The following MOB3A variants were observed in gnomAD, a reference collection of about 807,000 sequenced individuals.
The protein encoded by MOB3A is MOB LAK.
Under a neutral mutation model 17.8 loss-of-function variants are expected in MOB3A, and 17 were observed. The ratio of observed to expected loss-of-function variants is 0.95; its 90% CI spans 0.65 to 1.43. The LOEUF is 1.43. Among genes scored for constraint, MOB3A ranks in the 40% most tolerant of loss-of-function variants. The pLI is 0.00. For synonymous variants in MOB3A, 124 were observed against 133.2 expected (o/e 0.93, Z 0.48); for missense variants, 333 against 310.8 (o/e 1.07, Z -0.54).
intron 2 of MOB3A, among the ~76,000 whole-genome samples, chr19:2,080,385 T>G (rs1476234096): frequency 6.9e-6 from 1 of 145,136 alleles, no homozygotes; most frequent in Admixed American, 6.8e-5. Context: ...CCCCCACCTC[T>G]TTTTTTTTTT....
Position 2,081,313 on chromosome 19 carries a change from C to CT in MOB3A, c.-119-2635_-119-2634insA, listed in dbSNP as rs1366827015. Among the ~76,000 whole-genome samples the CT allele has an allele frequency of 2.6e-5, 4 of 152,128 alleles. No homozygotes were observed. The South Asian group carries it at 6.2e-4, about 24-fold the overall frequency. ...GAAAAAAAGCAAGTTAGAGGCCGGG[C>CT]GTGGTGGCTCACGCCTGTAATCCCG... On this transcript the variant is annotated intron_variant, in intron 2 of 4. Transcript: ENST00000357066.
At chr19:2,077,360 C>T (rs2017425766) in intron 3 of MOB3A, among the ~76,000 whole-genome samples, 1 of 151,872 alleles carries the variant, frequency 6.6e-6, no homozygotes, top group Admixed American at 6.6e-5. Flanking sequence ...CGAGATCGTG[C>T]CACTGCACTC....
rs1568251545 is a variant in MOB3A at position 2,076,865 on chromosome 19, G to A, written c.570C>T (p.Phe190=). 6.2e-7 allele frequency: 1 copy of A among 1,614,082 alleles called. No homozygotes were observed. Among genetic ancestry groups the A allele is most frequent in the Non-Finnish European group, 8.5e-7 (1 of 1,180,032 alleles). The part of the protein sequence containing the change: ...EAHVNTCYKH[F]YYFVKEFGLI... The stretch of plus-strand genomic sequence containing the variant: ...GGCCGAACTCCTTGACGAAATAGTA[G>A]AAGTGCTTGTAGCAGGTGTTCACGT... Residue 190 remains phenylalanine (F), a synonymous_variant, in exon 4 of 5, where the codon TTC becomes TTT. Coordinates refer to ENST00000357066, the MANE Select transcript of MOB3A (RefSeq NM_130807.3).
At chr19:2,084,435 C>G (rs2017527594) in intron 2 of MOB3A, among the ~76,000 whole-genome samples, 1 of 151,732 alleles carries the variant, frequency 6.6e-6, no homozygotes. Context: ...GCGGAGGCTA[C>G]AGTGAGCTGA....
intron 2 of MOB3A, among the ~76,000 whole-genome samples, chr19:2,083,148 C>T (rs2017510692): frequency 6.6e-6 from 1 of 152,142 alleles, no homozygotes; most frequent in South Asian, 2.1e-4. Flanking sequence ...TGCCTGGCCA[C>T]CCCTGCCTGC....
At chr19:2,091,349 C>T (rs1002108408) in intron 1 of MOB3A, among the ~76,000 whole-genome samples, 1 of 152,102 alleles carries the variant, frequency 6.6e-6, no homozygotes, top group African/African-American at 2.4e-5. Context: ...CCGATAAGTG[C>T]AAAAAATAAG....
rs373193407 is a variant in MOB3A, at chr19:2,073,413, G to A, written c.636C>T (p.Thr212=). The A allele has an allele frequency of 6.4e-5, 104 of 1,613,754 alleles. No homozygotes were observed. The highest frequency in any genetic ancestry group is 2.9e-4 in the East Asian group (13 of 44,870). The change falls in exon 5 of 5, where the codon ACC becomes ACT. Residue 212 remains threonine, a synonymous_variant. Transcript: ENST00000357066. ...GGGGCTCTCAGTGGCACATCCGGGC[G>A]GTCATTTCTTTCTGTAAAGAGCAAG... ...TKELEPLKEM[T]ARMCH is the part of the protein sequence containing the mutation.
At chr19:2,081,377 C>G (rs1488829697) in intron 2 of MOB3A, among the ~76,000 whole-genome samples, 1 of 150,096 alleles carries the variant, frequency 6.7e-6, no homozygotes, top group Admixed American at 6.6e-5. Context: ...CACCTGAGGT[C>G]GGGAATTCGA....
At position 2,076,842 on chromosome 19, in the gene MOB3A, C is replaced by T. The variant is rs1568251527; in HGVS notation, c.593G>A (p.Gly198Asp). ...KHFYYFVKEFGLIDTKELEPL... is the reference protein window; with the variant it reads ...KHFYYFVKEFDLIDTKELEPL... Reference sequence around the variant, plus strand: ...CTCCAGCTCCTTGGTGTCGATGAGGCCGAACTCCTTGACGAAATAGTAGAA... The same window carrying T: ...CTCCAGCTCCTTGGTGTCGATGAGGTCGAACTCCTTGACGAAATAGTAGAA... Residue 198 changes from glycine to aspartate, a missense_variant, in exon 4 of 5, where the codon GGC becomes GAC. Gly to Asp is a moderately conservative substitution (Grantham distance 94). Transcript: ENST00000357066. 1.2e-6 allele frequency: 2 copies of T among 1,613,998 alleles called. No individual in the cohort carries two copies. The highest frequency in any genetic ancestry group is 8.5e-7 in the Non-Finnish European group (1 of 1,180,020).
At chr19:2,090,381 C>A (rs1355470200) in intron 1 of MOB3A, among the ~76,000 whole-genome samples, 1 of 152,204 alleles carries the variant, frequency 6.6e-6, no homozygotes, top group African/African-American at 2.4e-5. Flanking sequence ...TGCCCCCTGC[C>A]CCCACAGGCC....
At position 2,073,281 on chromosome 19, in the gene MOB3A, G is replaced by A. The variant is rs1297367681; in HGVS notation, c.*114C>T. ...ACACCTGCTCAGCGGCTCGGCCCCTGGTCTCCCTGAGATGCTCAGGCCGGA... is the reference window on the plus strand; with the variant it reads ...ACACCTGCTCAGCGGCTCGGCCCCTAGTCTCCCTGAGATGCTCAGGCCGGA... On this transcript the variant is annotated 3_prime_UTR_variant, in exon 5 of 5. Transcript: ENST00000357066. The A allele has an allele frequency of 1.5e-6, 2 of 1,376,584 alleles. No homozygotes were observed. The highest frequency in any genetic ancestry group is 2.3e-5 in the East Asian group (1 of 43,514). The allele number at this position is 1,376,584 out of a possible 1,614,324, so 85.3% of individuals were successfully genotyped here. A position where few individuals can be genotyped will look rare whatever the true frequency, so the allele number is the denominator to read the frequency against.
chr19:2,087,148 C>T (rs1460788681), intron 1 of MOB3A, among the ~76,000 whole-genome samples: 1 of 152,156 alleles, frequency 6.6e-6, no homozygotes. Context: ...CTGCCCAGGC[C>T]CCTCTGGGCC....
intron 4 of MOB3A, among the ~76,000 whole-genome samples, chr19:2,075,321 C>T (rs983723513): frequency 3.9e-5 from 6 of 152,308 alleles, no homozygotes; most frequent in East Asian, 1.9e-4. Flanking sequence ...GGAGCCACCT[C>T]GTCCGTCCAT....
intron 2 of MOB3A, among the ~76,000 whole-genome samples, chr19:2,079,805 G>A (rs1054376721): frequency 3.3e-5 from 5 of 152,344 alleles, no homozygotes; most frequent in East Asian, 3.9e-4. Context: ...GAGATGCCGG[G>A]TGATTCCAGG....
intron 2 of MOB3A, among the ~76,000 whole-genome samples, chr19:2,084,449 C>G (rs932374481): frequency 6.6e-6 from 1 of 151,706 alleles, no homozygotes; most frequent in Non-Finnish European, 1.5e-5. Flanking sequence ...GAGCTGAGAT[C>G]ACGCCACTGC....
intron 1 of MOB3A, among the ~76,000 whole-genome samples, chr19:2,087,374 C>T (rs1368997044): frequency 2.0e-5 from 3 of 152,208 alleles, no homozygotes; most frequent in Non-Finnish European, 2.9e-5. Context: ...AAGCCCTGGC[C>T]AGCTGCAGTG....
In MOB3A at chr19:2,094,535, G is replaced by C. The variant is rs1482036568; in HGVS notation, c.-274+1691C>G. ...ACACACGCAGGGAAATGAATGACTA[G>C]TTCCTCAAGGCATCACTGTGGGCTC... On this transcript the variant is annotated intron_variant, in intron 1 of 4. Transcript: ENST00000357066. Among the ~76,000 whole-genome samples the C allele has an allele frequency of 2.6e-5, 4 of 152,220 alleles. No individual in the cohort carries two copies. In the East Asian group the frequency reaches 7.7e-4, roughly 29 times the overall value.
intron 2 of MOB3A, among the ~76,000 whole-genome samples, chr19:2,080,887 T>C (rs1403650293): frequency 6.6e-6 from 1 of 152,148 alleles, no homozygotes; most frequent in East Asian, 1.9e-4. Flanking sequence ...GGTTCACACC[T>C]GTAAGTACTT....
At chr19:2,080,531 C>T (rs1224925131) in intron 2 of MOB3A, among the ~76,000 whole-genome samples, 1 of 152,058 alleles carries the variant, frequency 6.6e-6, no homozygotes. Context: ...GCACGTGCAA[C>T]CACACCCAGC....
Sources: allele counts gnomAD v4.1 joint callset (sites outside exome capture counted in the v4.1 genomes callset), GRCh38; gene constraint gnomAD v4.1.1; transcripts MANE v1.5; gene names NCBI Gene and HGNC (gene_info 2026-07-23, HGNC 2026-07-21).